FLG2: variants seen among roughly 807,000 people sequenced by gnomAD.
FLG2 encodes the protein filaggrin 2.
Under a neutral mutation model 3.9 loss-of-function variants are expected in FLG2, and 7 were observed. The ratio of observed to expected loss-of-function variants is 1.79; its 90% CI spans 1.02 to 3.36. FLG2 has a LOEUF of 3.36. Ranked by LOEUF, FLG2 falls within the 30% of genes most tolerant of loss-of-function variation. The probability of loss-of-function intolerance (pLI) is 0.00; values close to 1 mark genes in which losing one functional copy is unlikely to be tolerated. For synonymous variants in FLG2, 1,031 were observed against 1,056.1 expected (o/e 0.98, Z 0.46); for missense variants, 2,700 against 2,809.4 (o/e 0.96, Z 0.88).
At position 152,358,793 on chromosome 1, in the gene FLG2, C is replaced by T; in HGVS notation, c.92G>A (p.Gly31Asp). 6.2e-7 allele frequency: 1 copy of T among 1,614,052 alleles called. No individual in the cohort carries two copies. Among genetic ancestry groups the T allele is most frequent in the Non-Finnish European group, 8.5e-7 (1 of 1,179,938 alleles). ...TTTCTCCAGAAGTTCCTTTAGTTCA[C>T]CCTTGCTCAGTGTGCCACACTCCCC... ...QDGECGTLSK[G>D]ELKELLEKEL... is the part of the protein sequence containing the mutation. Residue 31 changes from glycine to aspartate, a missense_variant, in exon 2 of 3, where the codon GGT (glycine) becomes GAT (aspartate). Gly to Asp is a moderately conservative substitution (Grantham distance 94). Transcript: ENST00000388718.
In FLG2 at chr1:152,355,689, G is replaced by A; in HGVS notation, c.2097C>T (p.Gly699=). ...GACCATAGCCAGATGATTGACTTGAGCCAAAACCATGTTGGCCATAGCTAG... is the reference window on the plus strand; with the variant it reads ...GACCATAGCCAGATGATTGACTTGAACCAAAACCATGTTGGCCATAGCTAG... ...GHSSYGQHGF[G]SSQSSGYGQH... is the part of the protein sequence containing the mutation. Residue 699 remains glycine (G), a synonymous_variant, in exon 3 of 3, where the codon GGC becomes GGT. Coordinates refer to ENST00000388718, the MANE Select transcript of FLG2 (RefSeq NM_001014342.3). 2 of 1,613,698 alleles carry A rather than the reference G, an allele frequency of 1.2e-6. No homozygotes were observed. The highest frequency in any genetic ancestry group is 1.7e-6 in the Non-Finnish European group (2 of 1,179,956).
At position 152,358,747 on chromosome 1, in the gene FLG2, C is replaced by T; in HGVS notation, c.138G>A (p.Lys46=). The T allele has an allele frequency of 1.9e-6, 3 of 1,612,874 alleles. No homozygotes were observed. The highest frequency in any genetic ancestry group is 2.5e-6 in the Non-Finnish European group (3 of 1,179,454). ...TTCAGTTCTGGCACATGGCTCTCACCTTCAGAACTGGATGAAGCTCTTTCT... is the reference window on the plus strand; with the variant it reads ...TTCAGTTCTGGCACATGGCTCTCACTTTCAGAACTGGATGAAGCTCTTTCT... ...LLEKELHPVL[K]NPDDPDTVDV... Residue 46 remains lysine, a splice_region_variant and synonymous_variant, in exon 2 of 3, where the codon AAG becomes AAA. Coordinates refer to ENST00000388718, the MANE Select transcript of FLG2 (RefSeq NM_001014342.3).
Position 152,353,770 on chromosome 1 carries a change from G to A in FLG2, c.4016C>T (p.Thr1339Ile), listed in dbSNP as rs895050171. 6.2e-7 allele frequency: 1 copy of A among 1,613,956 alleles called. No homozygotes were observed. The highest frequency in any genetic ancestry group is 8.5e-7 in the Non-Finnish European group (1 of 1,179,924). The part of the protein sequence containing the change: ...HGQSTQTGSR[T>I]SGRQRFSHSD... The stretch of plus-strand genomic sequence containing the variant: ...GTGGCTAAATCTCTGTCTTCCAGAT[G>A]TTCTGGAACCTGTCTGTGTAGACTG... Residue 1339 changes from threonine (T) to isoleucine (I), a missense_variant, in exon 3 of 3, where the codon ACA (threonine) becomes ATA (isoleucine). Coordinates refer to ENST00000388718, the MANE Select transcript of FLG2 (RefSeq NM_001014342.3).
At position 152,352,404 on chromosome 1, in the gene FLG2, C is replaced by G. The variant is rs373836847; in HGVS notation, c.5382G>C (p.Arg1794Ser). 4.3e-6 allele frequency: 7 copies of G among 1,612,800 alleles called. No homozygotes were observed. In the Admixed American group the frequency reaches 1.2e-4, roughly 27 times the overall value. Residue 1794 changes from arginine (R) to serine (S), a missense_variant, in exon 3 of 3, where the codon AGG becomes AGC. Transcript: ENST00000388718. Reference protein sequence around the residue: ...GHGQSTQTGSRTTGRRSSGHS... With the variant: ...GHGQSTQTGSSTTGRRSSGHS... ...GGCCAGATGACCTTCTTCCAGTGGT[C>G]CTGGACCCTGTCTGTGTGGACTGTC... is the stretch of plus-strand genomic sequence containing the variant.
In FLG2 at chr1:152,357,549, G is replaced by T; in HGVS notation, c.237C>A (p.Phe79Leu). The change falls in exon 3 of 3, where the codon TTC becomes TTA. Residue 79 changes from phenylalanine to leucine, a missense_variant. Physicochemically the swap from Phe to Leu is conservative, Grantham distance 22. Transcript: ENST00000388718. The stretch of plus-strand genomic sequence containing the variant: ...CCTTGTTGCAGGCCATAGTCAGCTT[G>T]AATATCATCAAAAGAAACTCAGTAA... ...LDFTEFLLMIFKLTMACNKVL... is the reference protein window; with the variant it reads ...LDFTEFLLMILKLTMACNKVL... 1.2e-6 allele frequency: 2 copies of T among 1,613,970 alleles called. No homozygotes were observed. Among genetic ancestry groups the T allele is most frequent in the Non-Finnish European group, 1.7e-6 (2 of 1,179,998 alleles).
chr1:152,357,399 G>C lies in FLG2; in HGVS notation c.387C>G (p.Tyr129Ter), dbSNP rs1654285273. 10 of 1,613,982 alleles carry C rather than the reference G, an allele frequency of 6.2e-6. No individual in the cohort carries two copies. The highest frequency in any genetic ancestry group is 2.2e-5 in the East Asian group (1 of 44,896). ...CTCCCTCACTCCAACTTGAATGTCT[G>C]TAACCTGATTTATGTCCTGGTGTAT... ...EEDTPGHKSG[Y>*]RHSSWSEGEE... The change falls in exon 3 of 3, where the codon TAC (tyrosine) becomes TAG (stop). Residue 129 changes from tyrosine (Y) to a stop codon, truncating the protein, a stop_gained. Transcript: ENST00000388718. LOFTEE classifies it low-confidence loss of function (END_TRUNC).
chr1:152,353,497 C>T lies in FLG2; in HGVS notation c.4289G>A (p.Ser1430Asn), dbSNP rs913468586. Reference sequence around the variant, plus strand: ...GTGTGAGCCCCCTGAGTGCACTTCACTGTCACTGGACTCACTATGGCCAGA... The same window carrying T: ...GTGTGAGCCCCCTGAGTGCACTTCATTGTCACTGGACTCACTATGGCCAGA... ...RGSGHSESSD[S>N]EVHSGGSHRP... is the part of the protein sequence containing the mutation. The change falls in exon 3 of 3, where the codon AGT (serine) becomes AAT (asparagine). Residue 1430 changes from serine to asparagine, a missense_variant. Ser to Asn is a conservative substitution (Grantham distance 46, BLOSUM62 1). Coordinates refer to ENST00000388718, the MANE Select transcript of FLG2 (RefSeq NM_001014342.3). The T allele has an allele frequency of 2.5e-6, 4 of 1,613,888 alleles. No homozygotes were observed. Among genetic ancestry groups the T allele is most frequent in the Middle Eastern group, 3.3e-4 (2 of 6,060 alleles).
Position 152,358,798 on chromosome 1 carries a change from G to C in FLG2, c.87C>G (p.Ser29Arg). The C allele has an allele frequency of 6.2e-7, 1 of 1,613,928 alleles. No homozygotes were observed. Among genetic ancestry groups the C allele is most frequent in the East Asian group, 2.2e-5 (1 of 44,862 alleles). ...TKQDGECGTLSKGELKELLEK... is the reference protein window; with the variant it reads ...TKQDGECGTLRKGELKELLEK... Reference sequence around the variant, plus strand: ...CCAGAAGTTCCTTTAGTTCACCCTTGCTCAGTGTGCCACACTCCCCATCTT... The same window carrying C: ...CCAGAAGTTCCTTTAGTTCACCCTTCCTCAGTGTGCCACACTCCCCATCTT... Residue 29 changes from serine to arginine, a missense_variant, in exon 2 of 3, where the codon AGC (serine) becomes AGG (arginine). Coordinates refer to ENST00000388718, the MANE Select transcript of FLG2 (RefSeq NM_001014342.3).
chr1:152,353,905 G>T lies in FLG2; in HGVS notation c.3881C>A (p.Thr1294Lys). 1 of 1,614,028 alleles carries T rather than the reference G, an allele frequency of 6.2e-7. No homozygotes were observed. Among genetic ancestry groups the T allele is most frequent in the South Asian group, 1.1e-5 (1 of 91,066 alleles). ...VSHRHSEHIH[T>K]QAGSHYPKSG... ...CTTTGGGTAGTGAGATCCAGCTTGT[G>T]TGTGAATGTGTTCTGAATGTCTGTG... Residue 1294 changes from threonine (T) to lysine (K), a missense_variant, in exon 3 of 3, where the codon ACA becomes AAA. Coordinates refer to ENST00000388718, the MANE Select transcript of FLG2 (RefSeq NM_001014342.3).
chr1:152,351,498 C>T lies in FLG2; in HGVS notation c.6288G>A (p.Arg2096=), dbSNP rs768485852. 4 of 1,611,636 alleles carry T rather than the reference C, an allele frequency of 2.5e-6. No homozygotes were observed. ...GGCCAGATCCCCTTCTTCCAGCTGT[C>T]CTTGACCCTCTCTGTGTGGACTGTC... is the stretch of plus-strand genomic sequence containing the variant. ...GHGQSTQRGS[R]TAGRRGSGHS... Residue 2096 remains arginine, a synonymous_variant, in exon 3 of 3, where the codon AGG becomes AGA. Coordinates refer to ENST00000388718, the MANE Select transcript of FLG2 (RefSeq NM_001014342.3).
In FLG2 at chr1:152,351,402, T is replaced by C; in HGVS notation, c.6384A>G (p.Gln2128=). Residue 2128 remains glutamine, a synonymous_variant, in exon 3 of 3, where the codon CAA becomes CAG. Transcript: ENST00000388718. The stretch of plus-strand genomic sequence containing the variant: ...CTGACTCTCCATGTTGAGATCTGGC[T>C]TGGCCATAAGTGTGTCCTGAATGTG... ...SHTHSGHTYG[Q]ARSQHGESGS... is the part of the protein sequence containing the mutation. 3 of 1,613,668 alleles carry C rather than the reference T, an allele frequency of 1.9e-6. No homozygotes were observed. The highest frequency in any genetic ancestry group is 2.5e-6 in the Non-Finnish European group (3 of 1,179,876).
rs879168791 is a variant in FLG2 at position 152,356,283 on chromosome 1, C to G, written c.1503G>C (p.Gln501His). The change falls in exon 3 of 3, where the codon CAG becomes CAC. Residue 501 changes from glutamine (Q) to histidine (H), a missense_variant. Gln to His is a conservative substitution (Grantham distance 24). Transcript: ENST00000388718. ...ACCCATGCTGTCCAAAGCCAGAGGA[C>G]TGACCTGAGCCTGACCCACATTGTC... is the stretch of plus-strand genomic sequence containing the variant. ...GFGQCGSGSG[Q>H]SSGFGQHGSV... 6.2e-7 allele frequency: 1 copy of G among 1,613,418 alleles called. No homozygotes were observed. The highest frequency in any genetic ancestry group is 1.3e-5 in the African/African-American group (1 of 74,684).
chr1:152,357,681 T>A, intron 2 of FLG2, 34 bp from the exon 3 acceptor site: 1 of 1,527,970 alleles, frequency 6.5e-7, no homozygotes, highest in Non-Finnish European at 9.0e-7. Flanking sequence ...GGAGACCTGG[T>A]CAGCCTAACC....
In FLG2 at chr1:152,352,453, G is replaced by A. The variant is rs542065575; in HGVS notation, c.5333C>T (p.Thr1778Ile). The A allele has an allele frequency of 6.2e-7, 1 of 1,611,414 alleles. No individual in the cohort carries two copies. The highest frequency in any genetic ancestry group is 1.1e-5 in the South Asian group (1 of 90,908). The change falls in exon 3 of 3, where the codon ACC becomes ATC. Residue 1778 changes from threonine to isoleucine, a missense_variant. Thr to Ile is a moderately conservative substitution (Grantham distance 89, BLOSUM62 -1). Coordinates refer to ENST00000388718, the MANE Select transcript of FLG2 (RefSeq NM_001014342.3). ...GTIHGQTGDT[T>I]RHAHSGHGQS... ...TCCATGACCAGAGTGGGCATGTCTGGTGGTATCGCCTGTCTGTCCATGTAT... is the reference window on the plus strand; with the variant it reads ...TCCATGACCAGAGTGGGCATGTCTGATGGTATCGCCTGTCTGTCCATGTAT...
In FLG2 at chr1:152,357,085, C is replaced by T. The variant is rs1654266992; in HGVS notation, c.701G>A (p.Arg234Lys). 1.9e-6 allele frequency: 3 copies of T among 1,614,196 alleles called. No individual in the cohort carries two copies. Among genetic ancestry groups the T allele is most frequent in the Non-Finnish European group, 8.5e-7 (1 of 1,180,040 alleles). ...ESGSGSNSWE[R>K]KGHGGLSCGL... ...ACATGACAGACCACCATGACCTTTC[C>T]TTTCCCAACTGTTTGATCCAGATCC... The change falls in exon 3 of 3, where the codon AGG becomes AAG. Residue 234 changes from arginine (R) to lysine (K), a missense_variant. Coordinates refer to ENST00000388718, the MANE Select transcript of FLG2 (RefSeq NM_001014342.3).
chr1:152,357,550 A>G lies in FLG2; in HGVS notation c.236T>C (p.Phe79Ser), dbSNP rs1392019794. 2 of 1,614,112 alleles carry G rather than the reference A, an allele frequency of 1.2e-6. No homozygotes were observed. Among genetic ancestry groups the G allele is most frequent in the Non-Finnish European group, 1.7e-6 (2 of 1,180,032 alleles). The part of the protein sequence containing the change: ...LDFTEFLLMI[F>S]KLTMACNKVL... Reference sequence around the variant, plus strand: ...CTTGTTGCAGGCCATAGTCAGCTTGAATATCATCAAAAGAAACTCAGTAAA... The same window carrying G: ...CTTGTTGCAGGCCATAGTCAGCTTGGATATCATCAAAAGAAACTCAGTAAA... Residue 79 changes from phenylalanine to serine, a missense_variant, in exon 3 of 3, where the codon TTC becomes TCC. Physicochemically the swap from Phe to Ser is radical, Grantham distance 155. Coordinates refer to ENST00000388718, the MANE Select transcript of FLG2 (RefSeq NM_001014342.3).
rs1242854528 is a variant in FLG2, at chr1:152,351,883, G to C, written c.5903C>G (p.Ser1968Ter). ...GTGAGTGTGTCCTGAATGTGTGTGT[G>C]AGACCCCTGAGGGCCCTTCACTGTC... ...YSDSEGPSGV[S>*]HTHSGHTHGQ... Residue 1968 changes from serine to a stop codon, truncating the protein, a stop_gained, in exon 3 of 3, where the codon TCA (serine) becomes TGA (stop). Transcript: ENST00000388718. LOFTEE classifies it low-confidence loss of function (END_TRUNC). 6.2e-7 allele frequency: 1 copy of C among 1,613,126 alleles called. No individual in the cohort carries two copies. Among genetic ancestry groups the C allele is most frequent in the Non-Finnish European group, 8.5e-7 (1 of 1,179,842 alleles).
At chr1:152,357,747 G>T in intron 2 of FLG2, 100 bp from the exon 3 acceptor site, 1 of 838,242 alleles carries the variant, frequency 1.2e-6, no homozygotes, top group Non-Finnish European at 1.9e-6. Context: ...TGTTTGACAT[G>T]ATGTAGTTTT....
At position 152,357,215 on chromosome 1, in the gene FLG2, T is replaced by C. The variant is rs765922301; in HGVS notation, c.571A>G (p.Ser191Gly). The change falls in exon 3 of 3, where the codon AGT becomes GGT. Residue 191 changes from serine to glycine, a missense_variant. Coordinates refer to ENST00000388718, the MANE Select transcript of FLG2 (RefSeq NM_001014342.3). ...YHRSSCGHSWSGGKDRHGSSS... is the reference protein window; with the variant it reads ...YHRSSCGHSWGGGKDRHGSSS... The stretch of plus-strand genomic sequence containing the variant: ...GAACCATGTCTGTCTTTGCCACCAC[T>C]CCATGAATGACCACAGCTGGACCTG... 8 of 1,614,208 alleles carry C rather than the reference T, an allele frequency of 5.0e-6. No homozygotes were observed. The highest frequency in any genetic ancestry group is 6.8e-6 in the Non-Finnish European group (8 of 1,180,048).
Sources: gnomAD v4.1 joint callset for allele counts on GRCh38, gnomAD v4.1.1 for gene constraint, MANE v1.5 for transcripts, NCBI Gene and HGNC (gene_info 2026-07-23, HGNC 2026-07-21) for gene names.